The following FXN variants were observed in gnomAD, a reference collection of about 807,000 sequenced individuals.
FXN encodes the protein frataxin, mitochondrial.
A neutral mutation model predicts 22.4 loss-of-function variants in FXN; 14 were observed. That is an observed-to-expected ratio of 0.62 (90% CI 0.41 to 0.98). The LOEUF is 0.98. Ranked by LOEUF, FXN falls within the 50% of genes least tolerant of loss-of-function variation. The probability of loss-of-function intolerance (pLI) is 0.00; values close to 1 mark genes in which losing one functional copy is unlikely to be tolerated. For synonymous variants in FXN, 120 were observed against 114.1 expected (o/e 1.05, Z -0.33); for missense variants, 267 against 268.4 (o/e 0.99, Z 0.04).
At position 69,074,321 on chromosome 9, in the gene FXN, A is replaced by G; in HGVS notation, c.*1559A>G. 2.0e-6 allele frequency: 2 copies of G among 985,386 alleles called. No individual in the cohort carries two copies. Among genetic ancestry groups the G allele is most frequent in the Non-Finnish European group, 1.2e-6 (1 of 829,884 alleles). The allele number at this position is 985,386 out of a possible 1,614,324, so 61.0% of individuals were successfully genotyped here. On this transcript the variant is annotated 3_prime_UTR_variant, in exon 5 of 5. Coordinates refer to ENST00000484259, the MANE Select transcript of FXN (RefSeq NM_000144.5). ...ATACAAAGCAACAAGCCTCCAGGAC[A>G]TTAAAATTCATGCAAAGTTATGCTC...
At chr9:69,043,222 T>A (rs143455858) in intron 1 of FXN, among the ~76,000 whole-genome samples, 1 of 152,328 alleles carries the variant, frequency 6.6e-6, no homozygotes, top group East Asian at 1.9e-4. Context: ...TGTGTCCTTT[T>A]CACAGTCTGA....
intron 1 of FXN, 110 bp downstream of exon 1, chr9:69,036,057 G>C (rs1831545895): frequency 1.0e-6 from 1 of 977,780 alleles, no homozygotes; most frequent in Non-Finnish European, 1.3e-6. Flanking sequence ...TACGCGCGCT[G>C]GACTAGCTCA....
In FXN at chr9:69,035,958, G is replaced by C; in HGVS notation, c.165+11G>C. The C allele has an allele frequency of 6.9e-7, 1 of 1,457,832 alleles. No homozygotes were observed. The highest frequency in any genetic ancestry group is 9.0e-7 in the Non-Finnish European group (1 of 1,109,206). The allele number at this position is 1,457,832 out of a possible 1,614,324, so 90.3% of individuals were successfully genotyped here. On this transcript the variant is annotated intron_variant, in intron 1 of 4. Transcript: ENST00000484259. ...ACGCCCCGCCGCGCAGTAAGTATCC[G>C]CGCCGGGAACAGCCGCGGGCCGCAC...
chr9:69,068,053 GAGAC>G (rs35474964), intron 4 of FXN, among the ~76,000 whole-genome samples: 54,250 of 151,778 alleles, frequency 0.36, 10,580 homozygotes, highest in Non-Finnish European at 0.43. Flanking sequence ...TCTAGCAAGG[GAGAC>G]AGACTCTTTG....
In FXN at chr9:69,076,467, A is replaced by G; in HGVS notation, c.*3705A>G. 1 of 985,452 alleles carries G rather than the reference A, an allele frequency of 1.0e-6. No individual in the cohort carries two copies. Among genetic ancestry groups the G allele is most frequent in the Non-Finnish European group, 1.2e-6 (1 of 829,938 alleles). The allele number at this position is 985,452 out of a possible 1,614,324, so 61.0% of individuals were successfully genotyped here. Reference sequence around the variant, plus strand: ...TATTAGATTCTGATTCCCTGGAACCATTTATCGTGTGCCTTACCATGCTTA... The same window carrying G: ...TATTAGATTCTGATTCCCTGGAACCGTTTATCGTGTGCCTTACCATGCTTA... On this transcript the variant is annotated 3_prime_UTR_variant, in exon 5 of 5. Coordinates refer to ENST00000484259, the MANE Select transcript of FXN (RefSeq NM_000144.5).
Position 69,072,574 on chromosome 9 carries a change from G to A in FXN, c.483-38G>A, listed in dbSNP as rs760077354. 3.1e-6 allele frequency: 5 copies of A among 1,613,516 alleles called. No homozygotes were observed. The South Asian group carries it at 5.5e-5, about 18-fold the overall frequency. ...GAATCAGTGGTTCATCTGAAGGGCT[G>A]TGCTGTGGAATTACTATGCATTTGT... On this transcript the variant is annotated intron_variant, in intron 4 of 4. Transcript: ENST00000484259.
Position 69,075,002 on chromosome 9 carries a change from A to G in FXN, c.*2240A>G. On this transcript the variant is annotated 3_prime_UTR_variant, in exon 5 of 5. Transcript: ENST00000484259. ...ATCTGGGACACAGCACAAAAGAGGTATGCAGTGGGGCTGCTCTGACATGAA... is the reference window on the plus strand; with the variant it reads ...ATCTGGGACACAGCACAAAAGAGGTGTGCAGTGGGGCTGCTCTGACATGAA... 3.0e-6 allele frequency: 3 copies of G among 985,446 alleles called. No individual in the cohort carries two copies. Among genetic ancestry groups the G allele is most frequent in the Non-Finnish European group, 3.6e-6 (3 of 829,936 alleles). 61.0% of individuals were successfully genotyped at this position (985,446 alleles called of 1,614,324 possible).
At chr9:69,062,453 A>G (rs1832091887) in intron 3 of FXN, among the ~76,000 whole-genome samples, 2 of 152,208 alleles carry the variant, frequency 1.3e-5, no homozygotes, top group Admixed American at 6.5e-5. Flanking sequence ...TAGTCATACC[A>G]AAACAGTAAA....
At chr9:69,052,128 G>A (rs1831862415) in intron 2 of FXN, among the ~76,000 whole-genome samples, 1 of 150,626 alleles carries the variant, frequency 6.6e-6, no homozygotes, top group African/African-American at 2.4e-5. Context: ...GATTACAGGC[G>A]TGAGCCACCA....
At chr9:69,059,546 C>T (rs146998935) in intron 3 of FXN, among the ~76,000 whole-genome samples, 39 of 146,352 alleles carry the variant, frequency 2.7e-4, no homozygotes, top group African/African-American at 8.8e-4. Flanking sequence ...ATTACAGGCG[C>T]GTGCCACTAT....
intron 2 of FXN, among the ~76,000 whole-genome samples, chr9:69,051,917 A>C (rs1831855872): frequency 6.6e-6 from 1 of 152,026 alleles, no homozygotes; most frequent in Non-Finnish European, 1.5e-5. Context: ...GTGCCACCTC[A>C]GCTCACTGCA....
chr9:69,039,082 G>T (rs372947132), intron 1 of FXN, among the ~76,000 whole-genome samples: 4 of 151,658 alleles, frequency 2.6e-5, no homozygotes, highest in Non-Finnish European at 4.4e-5. Flanking sequence ...GTGAAACCCC[G>T]TCTCTACTAA....
chr9:69,073,829 A>G lies in FXN; in HGVS notation c.*1067A>G. Reference sequence around the variant, plus strand: ...TGACAAAGAACAGTTTTTAAGCTATATAGGAAACATTGTTATTGGTGTTGC... The same window carrying G: ...TGACAAAGAACAGTTTTTAAGCTATGTAGGAAACATTGTTATTGGTGTTGC... On this transcript the variant is annotated 3_prime_UTR_variant, in exon 5 of 5. Coordinates refer to ENST00000484259, the MANE Select transcript of FXN (RefSeq NM_000144.5). 8.1e-6 allele frequency: 8 copies of G among 985,360 alleles called. No individual in the cohort carries two copies. Among genetic ancestry groups the G allele is most frequent in the Non-Finnish European group, 9.6e-6 (8 of 829,862 alleles). The allele number at this position is 985,360 out of a possible 1,614,324, so 61.0% of individuals were successfully genotyped here. A position where few individuals can be genotyped will look rare whatever the true frequency, so the allele number is the denominator to read the frequency against.
intron 2 of FXN, among the ~76,000 whole-genome samples, chr9:69,046,908 C>G (rs1365781265): frequency 6.6e-6 from 1 of 152,210 alleles, no homozygotes; most frequent in Non-Finnish European, 1.5e-5. Context: ...CAGTGCCTTA[C>G]TGTCCTCTGC....
intron 3 of FXN, among the ~76,000 whole-genome samples, chr9:69,060,202 A>T (rs1323684224): frequency 6.6e-6 from 1 of 152,048 alleles, no homozygotes; most frequent in Non-Finnish European, 1.5e-5. Flanking sequence ...CCCCGTCTCT[A>T]CTAAAAAAAT....
intron 1 of FXN, among the ~76,000 whole-genome samples, chr9:69,039,442 C>G (rs546305842): frequency 6.6e-6 from 1 of 152,304 alleles, no homozygotes; most frequent in East Asian, 1.9e-4. Context: ...GTTCTCAGAT[C>G]TGGCTACTCA....
intron 1 of FXN, chr9:69,036,252 G>A: frequency 4.7e-6 from 1 of 211,836 alleles, no homozygotes; most frequent in East Asian, 1.1e-4. Context: ...CGGTTCCGAG[G>A]GGTGTGCGGC....
rs938810245 is a variant in FXN at position 69,048,763 on chromosome 9, T to C, written c.263+2281T>C. On this transcript the variant is annotated intron_variant, in intron 2 of 4. Coordinates refer to ENST00000484259, the MANE Select transcript of FXN (RefSeq NM_000144.5). ...AGAAGCCACCGGTATTCAGGAACAT[T>C]CTACCTGTCCCCAGAGCTATATGCT... Among the ~76,000 whole-genome samples, 15 of 152,278 alleles carry C rather than the reference T, an allele frequency of 9.9e-5. No individual in the cohort carries two copies. In the East Asian group the frequency reaches 2.5e-3, roughly 25 times the overall value.
At chr9:69,035,986 C>G (rs1231696186) in intron 1 of FXN, 39 bp downstream of exon 1, 2 of 1,385,760 alleles carry the variant, frequency 1.4e-6, no homozygotes, top group Non-Finnish European at 1.9e-6. Context: ...GGCCGCACGC[C>G]GCGGGCCGCA....
Sources: allele counts gnomAD v4.1 joint callset (sites outside exome capture counted in the v4.1 genomes callset), GRCh38; gene constraint gnomAD v4.1.1; transcripts MANE v1.5; gene names NCBI Gene and HGNC (gene_info 2026-07-23, HGNC 2026-07-21).